HPSE2: variants seen among roughly 807,000 people sequenced by gnomAD.
HPSE2 encodes the protein heparanase 2 (inactive), also known as inactive heparanase-2.
Under a neutral mutation model 60.5 loss-of-function variants are expected in HPSE2, and 38 were observed. The observed-to-expected ratio is 0.63, with a 90% confidence interval of 0.48 to 0.82. The LOEUF (loss-of-function observed/expected upper bound fraction) is 0.82. HPSE2 is among the 40% of genes least tolerant of loss of function. The pLI, the probability that HPSE2 is intolerant of heterozygous loss-of-function variation, is 0.00. For missense variants in HPSE2, 713 were observed against 740.4 expected (o/e 0.96, Z 0.43); for synonymous variants, 295 against 293.2 (o/e 1.01, Z -0.06).
intron 5 of HPSE2, among the ~76,000 whole-genome samples, chr10:98,699,222 C>T (rs1272334739): frequency 6.6e-6 from 1 of 152,158 alleles, no homozygotes. Flanking sequence ...CCTTGATGAA[C>T]ATCGATGTAA....
intron 2 of HPSE2, among the ~76,000 whole-genome samples, chr10:99,158,521 C>A (rs1165907048): frequency 4.3e-5 from 6 of 138,194 alleles, no homozygotes; most frequent in African/African-American, 1.6e-4. Context: ...CCAAACACCG[C>A]ATATTCTCAC....
chr10:99,026,686 C>T (rs2135439483), intron 3 of HPSE2, among the ~76,000 whole-genome samples: 1 of 152,228 alleles, frequency 6.6e-6, no homozygotes, highest in Admixed American at 6.5e-5. Context: ...TTCCTCAGCA[C>T]ATGGATAATT....
rs1373704394 is a variant in HPSE2 at position 98,803,638 on chromosome 10, G to A, written c.611-59582C>T. ...TCAAAGATCAGATAGTTGTAGATAT[G>A]CGGCATTATTTCTGAGGGCTCTGTT... is the stretch of plus-strand genomic sequence containing the variant. On this transcript the variant is annotated intron_variant, in intron 3 of 11. Transcript: ENST00000370552. 9.2e-5 allele frequency among the ~76,000 whole-genome samples: 14 copies of A among 151,572 alleles called. No individual in the cohort carries two copies. In the South Asian group the frequency reaches 1.9e-3, roughly 20 times the overall value.
intron 2 of HPSE2, among the ~76,000 whole-genome samples, chr10:99,152,823 A>C (rs1015191940): frequency 6.6e-6 from 1 of 152,220 alleles, no homozygotes; most frequent in Non-Finnish European, 1.5e-5. Context: ...TGATTTCTGC[A>C]TTTCCATCTG....
At chr10:99,066,787 G>A (rs779358742) in intron 3 of HPSE2, among the ~76,000 whole-genome samples, 25 of 151,754 alleles carry the variant, frequency 1.6e-4, no homozygotes, top group Non-Finnish European at 2.4e-4. Flanking sequence ...CCACTCCCCC[G>A]CAAATCTCAT....
chr10:98,620,902 C>T (rs1381238120), intron 7 of HPSE2, among the ~76,000 whole-genome samples, 194 bp from the exon 8 acceptor site: 2 of 152,214 alleles, frequency 1.3e-5, no homozygotes, highest in Non-Finnish European at 1.5e-5. Flanking sequence ...AACATTGACA[C>T]ATATCCACTT....
At chr10:98,464,033 C>T (rs552951550) in intron 11 of HPSE2, among the ~76,000 whole-genome samples, 10 of 152,140 alleles carry the variant, frequency 6.6e-5, no homozygotes, top group African/African-American at 2.4e-4. Context: ...AGAAGAATTG[C>T]TTGAATCCGG....
At chr10:98,599,466 C>T (rs1373213704) in intron 9 of HPSE2, among the ~76,000 whole-genome samples, 3 of 152,146 alleles carry the variant, frequency 2.0e-5, no homozygotes, top group Admixed American at 1.3e-4. Flanking sequence ...AGGCCTGGAG[C>T]CTGGGGCTGT....
At chr10:99,100,635 C>A (rs936257518) in intron 3 of HPSE2, among the ~76,000 whole-genome samples, 1 of 152,138 alleles carries the variant, frequency 6.6e-6, no homozygotes, top group Non-Finnish European at 1.5e-5. Flanking sequence ...TCAGGAAATA[C>A]AGATAACGCC....
At chr10:98,996,567 T>A (rs958979518) in intron 3 of HPSE2, among the ~76,000 whole-genome samples, 2 of 152,252 alleles carry the variant, frequency 1.3e-5, no homozygotes, top group East Asian at 3.8e-4. Context: ...TTACTCATGA[T>A]AACCAAATAC....
chr10:99,283,845 A>T, the HPSE2 span, among the ~76,000 whole-genome samples: 2 of 152,206 alleles, frequency 1.3e-5, no homozygotes, highest in Admixed American at 6.5e-5. Flanking sequence ...AAGTAAGGAG[A>T]TTGAAACAGT....
At chr10:99,038,419 A>G (rs952707455) in intron 3 of HPSE2, among the ~76,000 whole-genome samples, 6 of 152,176 alleles carry the variant, frequency 3.9e-5, no homozygotes, top group African/African-American at 1.4e-4. Context: ...AATCTCAAAA[A>G]GTCAATTACT....
intron 3 of HPSE2, among the ~76,000 whole-genome samples, chr10:98,796,825 A>G (rs1180329678): frequency 6.6e-6 from 1 of 152,208 alleles, no homozygotes; most frequent in Non-Finnish European, 1.5e-5. Context: ...CTCAGTACAG[A>G]CAGAGAGAGA....
intron 2 of HPSE2, among the ~76,000 whole-genome samples, chr10:99,172,117 A>G (rs996614168): frequency 6.6e-6 from 1 of 152,226 alleles, no homozygotes; most frequent in Non-Finnish European, 1.5e-5. Context: ...GGTTTAGGAT[A>G]CGAATGATCC....
At chr10:99,062,616 A>G (rs1842481685) in intron 3 of HPSE2, among the ~76,000 whole-genome samples, 2 of 152,128 alleles carry the variant, frequency 1.3e-5, no homozygotes. Flanking sequence ...CCAAAACCTT[A>G]TATCTGGAAT....
rs60736023 is a variant in HPSE2 at position 98,636,235 on chromosome 10, G to GTT, written c.1098+5610_1098+5611dup. On this transcript the variant is annotated intron_variant, in intron 7 of 11. Coordinates refer to ENST00000370552, the MANE Select transcript of HPSE2 (RefSeq NM_021828.5). ...AAGTGATAAATGTGTGAATTATCCT[G>GTT]TTTTTTTTTTTGTTTTTTTTTTGAA... Among the ~76,000 whole-genome samples, 1,306 of 147,134 alleles carry GTT rather than the reference G, an allele frequency of 8.9e-3. 18 individuals are homozygous for GTT. Among genetic ancestry groups the GTT allele is most frequent in the African/African-American group, 0.03 (1,205 of 39,802 alleles).
chr10:99,009,714 A>G (rs1203720233), intron 3 of HPSE2, among the ~76,000 whole-genome samples: 1 of 152,226 alleles, frequency 6.6e-6, no homozygotes, highest in East Asian at 1.9e-4. Flanking sequence ...CCAGTGATTC[A>G]CATACTTAGG....
At chr10:99,260,533 T>C in the HPSE2 span, among the ~76,000 whole-genome samples, 1 of 152,200 alleles carries the variant, frequency 6.6e-6, no homozygotes, top group African/African-American at 2.4e-5. Flanking sequence ...CCTCTCTCAC[T>C]ACCCTTCAAT....
chr10:98,615,999 T>G (rs1467577711), intron 8 of HPSE2, among the ~76,000 whole-genome samples: 2 of 152,194 alleles, frequency 1.3e-5, no homozygotes, highest in East Asian at 3.8e-4. Flanking sequence ...AAACTACTCT[T>G]GGCTACCCAA....
Sources: allele counts gnomAD v4.1 joint callset (sites outside exome capture counted in the v4.1 genomes callset), GRCh38; gene constraint gnomAD v4.1.1; transcripts MANE v1.5; gene names NCBI Gene and HGNC (gene_info 2026-07-23, HGNC 2026-07-21).